DNM3: variants seen among roughly 807,000 people sequenced by gnomAD.
DNM3 encodes dynamin-3.
DNM3 carries 47 observed loss-of-function variants against 101.6 expected under a neutral mutation model. The ratio of observed to expected loss-of-function variants is 0.46; its 90% CI spans 0.37 to 0.59. DNM3 has a LOEUF of 0.59. Ranked by LOEUF, DNM3 falls within the 20% of genes least tolerant of loss-of-function variation. DNM3 has a pLI of 0.00. For missense variants in DNM3, 849 were observed against 1,085.7 expected, an observed-to-expected ratio of 0.78 and a Z score of 3.06; for synonymous variants, 385 against 387.9, an observed-to-expected ratio of 0.99 and a Z score of 0.09.
chr1:172,223,988 G>A (rs905863258), intron 14 of DNM3, among the ~76,000 whole-genome samples: 9 of 152,112 alleles, frequency 5.9e-5, no homozygotes, highest in Admixed American at 2.6e-4. Context: ...TCCATAAAGC[G>A]TACATGTCTC....
chr1:172,388,839 A>G (rs1316667204), intron 20 of DNM3, 30 bp downstream of exon 20: 2 of 1,511,554 alleles, frequency 1.3e-6, no homozygotes, highest in Non-Finnish European at 1.8e-6. Flanking sequence ...TTGGGGGGGT[A>G]GTGCGCCTTG....
At chr1:172,399,191 A>G (rs970249771) in intron 20 of DNM3, among the ~76,000 whole-genome samples, 1 of 152,106 alleles carries the variant, frequency 6.6e-6, no homozygotes, top group Non-Finnish European at 1.5e-5. Context: ...TTTTAGCACC[A>G]ATTTTTACAA....
intron 14 of DNM3, among the ~76,000 whole-genome samples, chr1:172,164,227 C>CTTTTTTTT (rs1165249284): frequency 4.8e-4 from 49 of 102,488 alleles, no homozygotes; most frequent in African/African-American, 2.3e-3. Flanking sequence ...ATTTTCTTTT[C>CTTTTTTTT]TTTTCTTTTT....
At chr1:172,313,703 G>C (rs1444043581) in intron 16 of DNM3, among the ~76,000 whole-genome samples, 7 of 152,112 alleles carry the variant, frequency 4.6e-5, no homozygotes, top group Admixed American at 4.6e-4. Context: ...ATTAAATGAA[G>C]GTTCTTCTGC....
intron 14 of DNM3, among the ~76,000 whole-genome samples, chr1:172,232,121 C>G (rs916796829): frequency 2.6e-5 from 4 of 152,168 alleles, no homozygotes; most frequent in African/African-American, 9.7e-5. Context: ...CAAGACCCAT[C>G]AGTGTGCTGT....
At chr1:172,257,866 C>A (rs926520929) in intron 15 of DNM3, among the ~76,000 whole-genome samples, 1 of 148,144 alleles carries the variant, frequency 6.8e-6, no homozygotes, top group East Asian at 2.0e-4. Flanking sequence ...CCTCTCTCCC[C>A]AACCCCCACC....
intron 15 of DNM3, among the ~76,000 whole-genome samples, chr1:172,300,107 T>C (rs1048809482): frequency 1.3e-5 from 2 of 152,204 alleles, no homozygotes; most frequent in African/African-American, 4.8e-5. Flanking sequence ...TGCCTCATCA[T>C]GGTTTTGATT....
intron 17 of DNM3, among the ~76,000 whole-genome samples, chr1:172,341,811 A>G (rs2066700066): frequency 6.6e-6 from 1 of 152,232 alleles, no homozygotes; most frequent in Non-Finnish European, 1.5e-5. Flanking sequence ...CATTCTGGAC[A>G]TAGGAATTTG....
At chr1:172,134,235 C>G (rs16843899) in intron 14 of DNM3, among the ~76,000 whole-genome samples, 2,860 of 152,218 alleles carry the variant, frequency 0.019, 78 homozygotes, top group African/African-American at 0.065. Flanking sequence ...GCTTCTGTTA[C>G]TCATTCAGAA....
intron 15 of DNM3, among the ~76,000 whole-genome samples, chr1:172,300,779 C>A (rs749348789): frequency 9.9e-5 from 15 of 152,004 alleles, no homozygotes; most frequent in Non-Finnish European, 1.5e-4. Flanking sequence ...AATAATAGTC[C>A]AAAAGAGAGG....
intron 13 of DNM3, among the ~76,000 whole-genome samples, chr1:172,111,142 G>A (rs1007874329): frequency 7.9e-5 from 12 of 152,330 alleles, no homozygotes; most frequent in African/African-American, 2.4e-4. Flanking sequence ...AACAATTAGA[G>A]CAAACCACTG....
intron 15 of DNM3, among the ~76,000 whole-genome samples, chr1:172,268,796 A>G (rs2062970177): frequency 6.6e-6 from 1 of 152,198 alleles, no homozygotes; most frequent in Non-Finnish European, 1.5e-5. Flanking sequence ...AAACTCTGAA[A>G]TGAAATAGGA....
chr1:172,301,978 G>C (rs2064475329), intron 15 of DNM3, among the ~76,000 whole-genome samples: 1 of 152,172 alleles, frequency 6.6e-6, no homozygotes, highest in South Asian at 2.1e-4. Context: ...CAGAAGATGG[G>C]TGATTTCTGC....
chr1:172,052,625 C>A (rs976002516), intron 10 of DNM3, among the ~76,000 whole-genome samples: 1 of 152,140 alleles, frequency 6.6e-6, no homozygotes, highest in Non-Finnish European at 1.5e-5. Context: ...GCTCTTATTC[C>A]TGAGACTATA....
chr1:172,073,085 A>G (rs1458758665), intron 11 of DNM3, among the ~76,000 whole-genome samples: 1 of 152,146 alleles, frequency 6.6e-6, no homozygotes, highest in Non-Finnish European at 1.5e-5. Flanking sequence ...GAAATATTAA[A>G]AAAAATTAAT....
At chr1:172,229,658 G>A (rs897742811) in intron 14 of DNM3, among the ~76,000 whole-genome samples, 5 of 152,064 alleles carry the variant, frequency 3.3e-5, no homozygotes, top group African/African-American at 9.7e-5. Context: ...GATTGAGTCC[G>A]TGGCATGGAA....
chr1:172,248,137 G>A (rs986559700), intron 14 of DNM3, among the ~76,000 whole-genome samples: 1 of 151,976 alleles, frequency 6.6e-6, no homozygotes, highest in Non-Finnish European at 1.5e-5. Flanking sequence ...ATGTGTTAAA[G>A]GTTTGTATGA....
chr1:172,058,114 G>GT (rs1255430674), intron 10 of DNM3, among the ~76,000 whole-genome samples: 1 of 133,606 alleles, frequency 7.5e-6, no homozygotes, highest in Non-Finnish European at 1.6e-5. Context: ...TTACATAATG[G>GT]TAAAGGGATC....
At chr1:171,963,308 T>C (rs906361160) in intron 2 of DNM3, among the ~76,000 whole-genome samples, 6 of 152,160 alleles carry the variant, frequency 3.9e-5, no homozygotes, top group Non-Finnish European at 8.8e-5. Flanking sequence ...ATTCCAACTA[T>C]GTGACATTCC....
Sources: gnomAD v4.1 joint callset for allele counts (sites outside exome capture counted in the v4.1 genomes callset) on GRCh38, gnomAD v4.1.1 for gene constraint, MANE v1.5 for transcripts, NCBI Gene and HGNC (gene_info 2026-07-23, HGNC 2026-07-21) for gene names.